ANKFY1: variants seen among roughly 807,000 people sequenced by gnomAD.
ANKFY1 encodes the protein ankyrin repeat and FYVE domain containing 1.
In ANKFY1, 47 loss-of-function variants were observed where a neutral mutation model predicts 128.3. The observed-to-expected ratio is 0.37, with a 90% CI of 0.29 to 0.47. The LOEUF (loss-of-function observed/expected upper bound fraction) is 0.47. Ranked by LOEUF, ANKFY1 falls within the 20% of genes least tolerant of loss-of-function variation. The pLI is 1.00. For synonymous variants in ANKFY1, 553 were observed against 601.6 expected, an observed-to-expected ratio of 0.92 and a Z score of 1.18; for missense variants, 1,222 against 1,510.6, an observed-to-expected ratio of 0.81 and a Z score of 3.17.
intron 19 of ANKFY1, among the ~76,000 whole-genome samples, chr17:4,176,850 G>A (rs1005646289): frequency 6.6e-6 from 1 of 152,186 alleles, no homozygotes; most frequent in Non-Finnish European, 1.5e-5. Flanking sequence ...GAACACAAGT[G>A]GATCTCCACT....
In ANKFY1 at chr17:4,242,345, A is replaced by G. The variant is rs1967284477; in HGVS notation, c.114T>C (p.Ala38=). Reference sequence around the variant, plus strand: ...TGCTGCTCTCCTTGTTTGCCTGCGCAGCCAAGAGAGCGCAGCGCTTCTCTG... The same window carrying G: ...TGCTGCTCTCCTTGTTTGCCTGCGCGGCCAAGAGAGCGCAGCGCTTCTCTG... ...AETEKRCALL[A]AQANKESSSE... is the part of the protein sequence containing the mutation. Residue 38 remains alanine (A), a synonymous_variant, in exon 2 of 25, where the codon GCT becomes GCC. Coordinates refer to ENST00000341657, the MANE Select transcript of ANKFY1 (RefSeq NM_001330063.2). 4 of 1,602,514 alleles carry G rather than the reference A, an allele frequency of 2.5e-6. No homozygotes were observed. In the East Asian group the frequency reaches 9.2e-5, roughly 37 times the overall value.
Position 4,179,254 on chromosome 17 carries a change from C to T in ANKFY1, c.2398-197G>A, listed in dbSNP as rs117669984. Reference sequence around the variant, plus strand: ...CCTGTTACACCACGTTCCAGTGACCCAGTGGTGACCGTAGGACCAGCACAA... The same window carrying T: ...CCTGTTACACCACGTTCCAGTGACCTAGTGGTGACCGTAGGACCAGCACAA... On this transcript the variant is annotated intron_variant, in intron 17 of 24. Coordinates refer to ENST00000341657, the MANE Select transcript of ANKFY1 (RefSeq NM_001330063.2). The T allele has an allele frequency of 1.1e-3, 707 of 635,184 alleles. 9 individuals carry two copies. The East Asian group carries it at 0.015, about 13-fold the overall frequency. The allele number at this position is 635,184 out of a possible 1,614,324, so 39.3% of individuals were successfully genotyped here.
In ANKFY1 at chr17:4,181,622, G is replaced by C. The variant is rs748740594; in HGVS notation, c.2122-250C>G. On this transcript the variant is annotated intron_variant, in intron 15 of 24. Transcript: ENST00000341657. The surrounding 1 kb of genome is among the most constrained non-coding windows in gnomAD (Gnocchi z 4.9). ...AGTATAAACAAGTTATGTTTAATTT[G>C]TGTCCTTTAGAGCTGAGTTCTAGAA... 6.6e-6 allele frequency among the ~76,000 whole-genome samples: 1 copy of C among 152,190 alleles called. No homozygotes were observed. Among genetic ancestry groups the C allele is most frequent in the Non-Finnish European group, 1.5e-5 (1 of 68,036 alleles).
chr17:4,247,012 C>T (rs186665793), intron 1 of ANKFY1, among the ~76,000 whole-genome samples: 1 of 151,880 alleles, frequency 6.6e-6, no homozygotes, highest in East Asian at 1.9e-4. Context: ...ACTCAGGAGG[C>T]TGAGGCAGAA....
Position 4,167,714 on chromosome 17 carries a change from C to A in ANKFY1, c.*65G>T. The A allele has an allele frequency of 1.3e-6, 2 of 1,516,296 alleles. No individual in the cohort carries two copies. The highest frequency in any genetic ancestry group is 1.3e-5 in the South Asian group (1 of 77,352). 93.9% of individuals were successfully genotyped at this position (1,516,296 alleles called of 1,614,324 possible). A position where few individuals can be genotyped will look rare whatever the true frequency, so the allele number is the denominator to read the frequency against. The stretch of plus-strand genomic sequence containing the variant: ...AGCTCCTGCTCTGGGTGGGGTCAGG[C>A]TGGTGAGCAGAGCAGCTGCTGGGGA... On this transcript the variant is annotated 3_prime_UTR_variant, in exon 25 of 25. Coordinates refer to ENST00000341657, the MANE Select transcript of ANKFY1 (RefSeq NM_001330063.2). The surrounding 1 kb of genome is among the most constrained non-coding windows in gnomAD (Gnocchi z 4.1).
At chr17:4,188,326 T>A (rs2059649448) in intron 11 of ANKFY1, 1 of 152,318 alleles carries the variant, frequency 6.6e-6, no homozygotes. Context: ...TGTACCAAGA[T>A]ACACTTGTCT....
intron 6 of ANKFY1, among the ~76,000 whole-genome samples, chr17:4,207,345 G>A (rs769663161): frequency 3.6e-4 from 55 of 152,320 alleles, no homozygotes; most frequent in Admixed American, 1.1e-3. Context: ...AAAGCCGGGG[G>A]CTATGAGCTA....
At chr17:4,215,921 A>AAACT (rs10694360) in intron 4 of ANKFY1, among the ~76,000 whole-genome samples, 143,606 of 152,118 alleles carry the variant, frequency 0.94, 68,354 homozygotes, top group East Asian at 1. Context: ...TCACCAAAAC[A>AAACT]AACAAACAAA....
At chr17:4,209,777 C>T (rs901109230) in intron 5 of ANKFY1, 47 bp downstream of exon 5, 2 of 1,564,634 alleles carry the variant, frequency 1.3e-6, no homozygotes, top group Non-Finnish European at 1.7e-6. Context: ...CGGCGGTCTC[C>T]TGACTGCCAG....
At chr17:4,249,419 G>A (rs2143471251) in intron 1 of ANKFY1, among the ~76,000 whole-genome samples, 1 of 152,132 alleles carries the variant, frequency 6.6e-6, no homozygotes, top group African/African-American at 2.4e-5. Context: ...ATATTTATAA[G>A]TTATTTTTAT....
chr17:4,223,517 G>A (rs1425208517), intron 3 of ANKFY1: 8 of 1,186,984 alleles, frequency 6.7e-6, no homozygotes, highest in Non-Finnish European at 1.0e-5. Context: ...AATGAAAACA[G>A]GCCAGTTTGT....
At chr17:4,198,453 C>T (rs1433314540) in intron 7 of ANKFY1, among the ~76,000 whole-genome samples, 1 of 151,700 alleles carries the variant, frequency 6.6e-6, no homozygotes, top group African/African-American at 2.4e-5. Flanking sequence ...CTCACTGCAA[C>T]TTCCGCCTCC....
At chr17:4,228,307 T>G (rs1489096612) in intron 3 of ANKFY1, among the ~76,000 whole-genome samples, 2 of 152,112 alleles carry the variant, frequency 1.3e-5, no homozygotes, top group Non-Finnish European at 2.9e-5. Flanking sequence ...TGCAAACTAA[T>G]CTATAATGAC....
chr17:4,169,413 G>A lies in ANKFY1; in HGVS notation c.3287-125C>T, dbSNP rs16953766. The A allele has an allele frequency of 0.024, 16,950 of 696,926 alleles. 579 individuals carry two copies. Among genetic ancestry groups the A allele is most frequent in the African/African-American group, 0.12 (7,031 of 56,412 alleles). The allele number at this position is 696,926 out of a possible 1,614,324, so 43.2% of individuals were successfully genotyped here. ...AGCGCTGCCACATGACATAGGTGAC[G>A]AAGGAGCGATAGGTTCTAAGTGGTT... On this transcript the variant is annotated intron_variant, in intron 23 of 24. Transcript: ENST00000341657. The surrounding 1 kb of genome is among the most constrained non-coding windows in gnomAD (Gnocchi z 5.0).
chr17:4,237,397 CTA>C (rs1158764925), intron 2 of ANKFY1, among the ~76,000 whole-genome samples: 3 of 152,226 alleles, frequency 2.0e-5, no homozygotes, highest in Middle Eastern at 3.4e-3. Context: ...ACAGAATACT[CTA>C]TGCAAAACAG....
chr17:4,197,077 C>A (rs903035137), intron 8 of ANKFY1, among the ~76,000 whole-genome samples: 1 of 152,150 alleles, frequency 6.6e-6, no homozygotes, highest in Non-Finnish European at 1.5e-5. Context: ...CAAGATCATA[C>A]CACTGCGCTC....
chr17:4,182,045 CT>C (rs1348857499), intron 15 of ANKFY1, 135 bp downstream of exon 15: 4 of 924,236 alleles, frequency 4.3e-6, no homozygotes, highest in Non-Finnish European at 5.9e-6. Flanking sequence ...CTTTAACATG[CT>C]TTCAACTGCT....
intron 7 of ANKFY1, among the ~76,000 whole-genome samples, chr17:4,202,862 T>TA (rs58872860): frequency 0.026 from 3,888 of 148,888 alleles, 173 homozygotes; most frequent in African/African-American, 0.088. Context: ...GATAGCATGA[T>TA]AAAAAAAAAT....
At chr17:4,187,567 G>A (rs143299203) in intron 11 of ANKFY1, 24 of 323,356 alleles carry the variant, frequency 7.4e-5, no homozygotes, top group African/African-American at 4.0e-4. Context: ...GAGGCCTCCC[G>A]TTTCTCTACA....
Sources: gnomAD v4.1 joint callset for allele counts (sites outside exome capture counted in the v4.1 genomes callset) on GRCh38, gnomAD v4.1.1 for gene constraint, Gnocchi (gnomAD v3.1) non-coding constraint, MANE v1.5 for transcripts, NCBI Gene and HGNC (gene_info 2026-07-23, HGNC 2026-07-21) for gene names.